Variants in PEAR1 observed in about 807,000 individuals in gnomAD.
The protein encoded by PEAR1 is platelet endothelial aggregation receptor 1, also known as multiple EGF-like domains protein 12.
A neutral mutation model predicts 131.2 loss-of-function variants in PEAR1; 113 were observed. The observed-to-expected ratio is 0.86, with a 90% confidence interval of 0.74 to 1.01. PEAR1 has a LOEUF of 1.01. Among genes scored for constraint, PEAR1 ranks in the 50% least tolerant of loss-of-function variants. The probability of loss-of-function intolerance (pLI) is 0.00; values close to 1 mark genes in which losing one functional copy is unlikely to be tolerated. For synonymous variants in PEAR1, 565 were observed against 523.3 expected (o/e 1.08, Z -1.09); for missense variants, 1,408 against 1,391.1 (o/e 1.01, Z -0.19).
chr1:156,899,833 C>T (rs1377882258), intron 1 of PEAR1, among the ~76,000 whole-genome samples: 1 of 152,092 alleles, frequency 6.6e-6, no homozygotes, highest in Admixed American at 6.5e-5. Flanking sequence ...GTTGGGGGTG[C>T]AGAGGTGAGG....
rs372929905 is a variant in PEAR1, at chr1:156,914,091, C to G, written c.2953C>G (p.Leu985Val). 7.5e-6 allele frequency: 12 copies of G among 1,595,800 alleles called. No individual in the cohort carries two copies. Among genetic ancestry groups the G allele is most frequent in the Non-Finnish European group, 1.0e-5 (12 of 1,170,690 alleles). The change falls in exon 22 of 23, where the codon CTG becomes GTG. Residue 985 changes from leucine to valine, a missense_variant. Coordinates refer to ENST00000292357, the MANE Select transcript of PEAR1 (RefSeq NM_001080471.3). ...TGGCACCTACGAGCAGCCCAGCCCC[C>G]TGATCCATGGTGAGCCCTCCCTCTC... ...DSGTYEQPSP[L>V]IHDRDSVGSQ...
chr1:156,894,331 C>T (rs1412094045), intron 1 of PEAR1, among the ~76,000 whole-genome samples: 2 of 152,184 alleles, frequency 1.3e-5, no homozygotes, highest in East Asian at 3.8e-4. Flanking sequence ...CTCAGTTTCT[C>T]ATTTCTAAAG....
Position 156,914,116 on chromosome 1 carries a change from C to A in PEAR1, c.2962+16C>A. 1 of 1,570,184 alleles carries A rather than the reference C, an allele frequency of 6.4e-7. No homozygotes were observed. Among genetic ancestry groups the A allele is most frequent in the South Asian group, 1.2e-5 (1 of 85,136 alleles). The stretch of plus-strand genomic sequence containing the variant: ...CTGATCCATGGTGAGCCCTCCCTCT[C>A]CACTGGCAGGAGCAGCAGAGAACTG... On this transcript the variant is annotated intron_variant, in intron 22 of 22. Coordinates refer to ENST00000292357, the MANE Select transcript of PEAR1 (RefSeq NM_001080471.3).
intron 6 of PEAR1, 27 bp from the exon 7 acceptor site, chr1:156,907,583 A>G (rs1650475378): frequency 1.3e-6 from 2 of 1,590,994 alleles, no homozygotes; most frequent in Non-Finnish European, 1.7e-6. Flanking sequence ...TTGTTTGCAC[A>G]TTGACTCCAC....
At chr1:156,898,646 G>T (rs112011590) in intron 1 of PEAR1, among the ~76,000 whole-genome samples, 5 of 152,204 alleles carry the variant, frequency 3.3e-5, no homozygotes, top group Admixed American at 2.6e-4. Flanking sequence ...CCATGGCAAA[G>T]ATAGGTTAGA....
In PEAR1 at chr1:156,912,647, C is replaced by T. The variant is rs769937045; in HGVS notation, c.2209+25C>T. On this transcript the variant is annotated intron_variant, in intron 17 of 22. Coordinates refer to ENST00000292357, the MANE Select transcript of PEAR1 (RefSeq NM_001080471.3). ...GGTGAGTTCTTTGCCCTCTCCTTCC[C>T]ACCCATTGTCCCCAGGGAACTGGGA... 6 of 1,610,176 alleles carry T rather than the reference C, an allele frequency of 3.7e-6. No homozygotes were observed. In the Admixed American group the frequency reaches 8.4e-5, roughly 22 times the overall value.
chr1:156,896,085 C>T (rs1649133940), intron 1 of PEAR1, among the ~76,000 whole-genome samples: 1 of 152,158 alleles, frequency 6.6e-6, no homozygotes, highest in Non-Finnish European at 1.5e-5. Context: ...TGTCTCAAAA[C>T]AAAACAAAAA....
In PEAR1 at chr1:156,907,962, C is replaced by T; in HGVS notation, c.813C>T (p.Asn271=). The T allele has an allele frequency of 6.3e-7, 1 of 1,584,292 alleles. No individual in the cohort carries two copies. Among genetic ancestry groups the T allele is most frequent in the South Asian group, 1.1e-5 (1 of 87,846 alleles). The change falls in exon 8 of 23, where the codon AAC becomes AAT. Residue 271 remains asparagine (N), a synonymous_variant. Coordinates refer to ENST00000292357, the MANE Select transcript of PEAR1 (RefSeq NM_001080471.3). ...LPCPEGFHGP[N]CSQECRCHNG... ...GCCCAGAGGGCTTTCACGGACCCAACTGCTCCCAGGAATGTCGCTGCCACA... is the reference window on the plus strand; with the variant it reads ...GCCCAGAGGGCTTTCACGGACCCAATTGCTCCCAGGAATGTCGCTGCCACA...
At chr1:156,909,091 G>A (rs1302696957) in intron 11 of PEAR1, 55 bp downstream of exon 11, 2 of 1,608,490 alleles carry the variant, frequency 1.2e-6, no homozygotes, top group African/African-American at 1.3e-5. Flanking sequence ...AAGGGAAGAA[G>A]GGAGAGTCCA....
At position 156,908,807 on chromosome 1, in the gene PEAR1, G is replaced by C; in HGVS notation, c.1268G>C (p.Cys423Ser). 1 of 1,607,192 alleles carries C rather than the reference G, an allele frequency of 6.2e-7. No individual in the cohort carries two copies. The highest frequency in any genetic ancestry group is 8.5e-7 in the Non-Finnish European group (1 of 1,179,414). Reference protein sequence around the residue: ...GGVCQATSGLCQCAPGYTGPH... With the variant: ...GGVCQATSGLSQCAPGYTGPH... Reference sequence around the variant, plus strand: ...GTCTGCCAGGCTACCAGCGGCCTCTGTCAGTGCGCGCCGGGTTACACGGTG... The same window carrying C: ...GTCTGCCAGGCTACCAGCGGCCTCTCTCAGTGCGCGCCGGGTTACACGGTG... Residue 423 changes from cysteine to serine, a missense_variant, in exon 10 of 23, where the codon TGT (cysteine) becomes TCT (serine). Transcript: ENST00000292357. The surrounding 1 kb of genome is among the most constrained non-coding windows in gnomAD (Gnocchi z 4.2).
intron 1 of PEAR1, among the ~76,000 whole-genome samples, chr1:156,901,286 G>C (rs1003370792): frequency 3.3e-5 from 5 of 152,190 alleles, no homozygotes; most frequent in Non-Finnish European, 7.3e-5. Context: ...GTGGGGATGA[G>C]AGTCAGCTCC....
chr1:156,913,789 G>A (rs1237130524), intron 21 of PEAR1, 29 bp downstream of exon 21: 1 of 1,612,436 alleles, frequency 6.2e-7, no homozygotes, highest in Non-Finnish European at 8.5e-7. Flanking sequence ...CAAGGGAGGT[G>A]GCTGAGCTGG....
In PEAR1 at chr1:156,903,957, C is replaced by T. The variant is rs1236744182; in HGVS notation, c.31C>T (p.Leu11=). 6.2e-7 allele frequency: 1 copy of T among 1,614,004 alleles called. No individual in the cohort carries two copies. The highest frequency in any genetic ancestry group is 8.5e-7 in the Non-Finnish European group (1 of 1,180,018). Residue 11 remains leucine, a synonymous_variant, in exon 2 of 23, where the codon CTG becomes TTG. Coordinates refer to ENST00000292357, the MANE Select transcript of PEAR1 (RefSeq NM_001080471.3). MSPPLCPLLL[L]AVGLRLAGTL... ...ACCGCCTCTGTGTCCCCTCCTTCTC[C>T]TGGCTGTGGGCCTGCGGCTGGCTGG...
chr1:156,912,350 C>T lies in PEAR1; in HGVS notation c.2055C>T (p.Gly685=), dbSNP rs1201934906. 5 of 1,613,914 alleles carry T rather than the reference C, an allele frequency of 3.1e-6. No homozygotes were observed. In the South Asian group the frequency reaches 5.5e-5, roughly 18 times the overall value. The change falls in exon 16 of 23, where the codon GGC becomes GGT. Residue 685 remains glycine, a synonymous_variant. Transcript: ENST00000292357. ...PQDGSCICPL[G]WTGHHCLEGC... is the part of the protein sequence containing the mutation. ...ATGGGAGCTGTATCTGCCCCCTAGG[C>T]TGGACTGGACACCACTGCTTAGAAG... is the stretch of plus-strand genomic sequence containing the variant.
At chr1:156,903,672 G>A (rs978079819) in intron 1 of PEAR1, among the ~76,000 whole-genome samples, 3 of 152,156 alleles carry the variant, frequency 2.0e-5, no homozygotes, top group East Asian at 3.9e-4. Flanking sequence ...CTTGAAAGAT[G>A]GGAACTCCAG....
chr1:156,894,287 G>A (rs1363847605), intron 1 of PEAR1, among the ~76,000 whole-genome samples: 1 of 152,228 alleles, frequency 6.6e-6, no homozygotes, highest in African/African-American at 2.4e-5. Context: ...CTTACTGTCT[G>A]TGGGGTCTTG....
At position 156,913,405 on chromosome 1, in the gene PEAR1, C is replaced by G. The variant is rs1395591247; in HGVS notation, c.2526C>G (p.Leu842=). The G allele has an allele frequency of 6.3e-7, 1 of 1,599,134 alleles. No individual in the cohort carries two copies. Among genetic ancestry groups the G allele is most frequent in the Non-Finnish European group, 8.5e-7 (1 of 1,179,718 alleles). The part of the protein sequence containing the change: ...PPPPNKVPGP[L]FASLQNPERP... The stretch of plus-strand genomic sequence containing the variant: ...TCCCCTCTTAGGTTCCAGGCCCGCT[C>G]TTTGCCAGCCTGCAGAACCCTGAGC... The change falls in exon 20 of 23, where the codon CTC becomes CTG. Residue 842 remains leucine, a synonymous_variant. Coordinates refer to ENST00000292357, the MANE Select transcript of PEAR1 (RefSeq NM_001080471.3).
intron 1 of PEAR1, among the ~76,000 whole-genome samples, chr1:156,903,604 T>A (rs892049559): frequency 2.6e-5 from 4 of 152,004 alleles, no homozygotes; most frequent in African/African-American, 9.7e-5. Context: ...ATGAGTGGGA[T>A]CATCTGCCAA....
chr1:156,906,727 C>G lies in PEAR1; in HGVS notation c.491C>G (p.Ser164Cys). Residue 164 changes from serine to cysteine, a missense_variant, in exon 6 of 23, where the codon TCT (serine) becomes TGT (cysteine). Transcript: ENST00000292357. ...SSCDPKSGVC[S>C]CPSGLQPPNC... ...TGTGATCCCAAGAGTGGGGTATGTT[C>G]TTGCCCTTCTGGTCTGCAGCCCCCG... 1 of 1,614,220 alleles carries G rather than the reference C, an allele frequency of 6.2e-7. No homozygotes were observed. The highest frequency in any genetic ancestry group is 1.1e-5 in the South Asian group (1 of 91,088).
Sources: allele counts gnomAD v4.1 joint callset (sites outside exome capture counted in the v4.1 genomes callset), GRCh38; gene constraint gnomAD v4.1.1; non-coding constraint Gnocchi (gnomAD v3.1); transcripts MANE v1.5; gene names NCBI Gene and HGNC (gene_info 2026-07-23, HGNC 2026-07-21).